Variants in RIMBP2 observed in about 807,000 individuals in gnomAD.
RIMBP2 encodes the protein RIMS binding protein 2.
In RIMBP2, 48 loss-of-function variants were observed where a neutral mutation model predicts 118.6. That is an observed-to-expected ratio of 0.40 (90% CI 0.32 to 0.51). RIMBP2 has a LOEUF of 0.51. RIMBP2 is among the 20% of genes least tolerant of loss of function. The pLI is 0.41. For synonymous variants in RIMBP2, 762 were observed against 742.9 expected (o/e 1.03, Z -0.42); for missense variants, 1,551 against 1,768.3 (o/e 0.88, Z 2.20).
intron 6 of RIMBP2, among the ~76,000 whole-genome samples, chr12:130,459,884 G>A (rs2079823303): frequency 6.6e-6 from 1 of 152,154 alleles, no homozygotes; most frequent in Non-Finnish European, 1.5e-5. Flanking sequence ...GTCCTATGGG[G>A]GCCATAGTGG....
intron 3 of RIMBP2, among the ~76,000 whole-genome samples, chr12:130,508,974 T>A (rs1473175172): frequency 1.3e-5 from 2 of 152,056 alleles, no homozygotes. Flanking sequence ...GCACCCCCCG[T>A]ACCATCCGGC....
chr12:130,616,989 G>T (rs914451579), intron 2 of RIMBP2, among the ~76,000 whole-genome samples: 2 of 152,102 alleles, frequency 1.3e-5, no homozygotes, highest in African/African-American at 4.8e-5. Flanking sequence ...CTGAAGTTGG[G>T]GTGCAGGGGC....
chr12:130,700,228 A>C (rs905878491), intron 1 of RIMBP2, among the ~76,000 whole-genome samples: 10 of 152,106 alleles, frequency 6.6e-5, no homozygotes. Context: ...ACAAAGACCC[A>C]CACAGCCCCA....
intron 3 of RIMBP2, 85 bp from the exon 4 acceptor site, chr12:130,506,855 T>C (rs1162050103): frequency 1.1e-6 from 1 of 932,974 alleles, no homozygotes; most frequent in African/African-American, 1.8e-5. Flanking sequence ...AGGAGCAAAA[T>C]CTTCAATTTC....
chr12:130,575,548 G>A (rs913973213), intron 2 of RIMBP2, among the ~76,000 whole-genome samples: 2 of 152,062 alleles, frequency 1.3e-5, no homozygotes, highest in Admixed American at 6.5e-5. Flanking sequence ...TAATAACTAC[G>A]TGACCCATTC....
At chr12:130,637,010 T>C (rs1222037649) in intron 1 of RIMBP2, among the ~76,000 whole-genome samples, 2 of 152,216 alleles carry the variant, frequency 1.3e-5, no homozygotes, top group Non-Finnish European at 2.9e-5. Flanking sequence ...CATGAAGGTG[T>C]GTACGCTATG....
rs2058119373 is a variant in RIMBP2 at position 130,576,853 on chromosome 12, G to A, written c.-217+51469C>T. 6.6e-6 allele frequency among the ~76,000 whole-genome samples: 1 copy of A among 152,230 alleles called. No individual in the cohort carries two copies. On this transcript the variant is annotated intron_variant, in intron 2 of 22. Transcript: ENST00000690449. The surrounding 1 kb of genome is among the most constrained non-coding windows in gnomAD (Gnocchi z 4.2). Reference sequence around the variant, plus strand: ...TCGCGTGTCCAGGCGCAGTGCCTGGGAGCAAATATCTCCATGTAGAAAGAG... The same window carrying A: ...TCGCGTGTCCAGGCGCAGTGCCTGGAAGCAAATATCTCCATGTAGAAAGAG...
At chr12:130,504,469 G>A (rs1257264805) in intron 4 of RIMBP2, among the ~76,000 whole-genome samples, 1 of 152,150 alleles carries the variant, frequency 6.6e-6, no homozygotes, top group African/African-American at 2.4e-5. Flanking sequence ...CCAACTCAAA[G>A]GGTGTGAGGT....
intron 1 of RIMBP2, among the ~76,000 whole-genome samples, chr12:130,677,138 G>A (rs1279405024): frequency 6.6e-6 from 1 of 152,134 alleles, no homozygotes; most frequent in Non-Finnish European, 1.5e-5. Context: ...CTAGGGTGGG[G>A]GTGCTGTTGG....
chr12:130,501,346 CCTCT>C (rs944661319), intron 4 of RIMBP2, among the ~76,000 whole-genome samples: 6 of 152,244 alleles, frequency 3.9e-5, no homozygotes, highest in African/African-American at 1.4e-4. Flanking sequence ...AGATGCACCT[CCTCT>C]CTCAATTCCA....
At chr12:130,514,637 A>C (rs1566177515) in intron 3 of RIMBP2, among the ~76,000 whole-genome samples, 1 of 152,184 alleles carries the variant, frequency 6.6e-6, no homozygotes, top group Non-Finnish European at 1.5e-5. Flanking sequence ...CCCTGTGCCC[A>C]GCTCCCCACC....
chr12:130,510,979 G>A (rs186629471), intron 3 of RIMBP2, among the ~76,000 whole-genome samples: 2 of 152,112 alleles, frequency 1.3e-5, no homozygotes, highest in Non-Finnish European at 1.5e-5. Flanking sequence ...GCTGAATAAC[G>A]GCCCCACACA....
intron 4 of RIMBP2, among the ~76,000 whole-genome samples, chr12:130,484,075 A>AGTGGAAACTCTGGAGAC (rs1291669182): frequency 6.6e-6 from 1 of 152,060 alleles, no homozygotes; most frequent in Non-Finnish European, 1.5e-5. Context: ...GAGGCGAAAC[A>AGTGGAAACTCTGGAGAC]TCTCTCCAGA....
chr12:130,603,379 G>T (rs540654125), intron 2 of RIMBP2, among the ~76,000 whole-genome samples: 1 of 152,120 alleles, frequency 6.6e-6, no homozygotes, highest in African/African-American at 2.4e-5. Context: ...CAACACATGT[G>T]CTCGGAAGGC....
chr12:130,471,801 C>T (rs1406524772), intron 5 of RIMBP2: 2 of 152,580 alleles, frequency 1.3e-5, no homozygotes, highest in African/African-American at 4.8e-5. Context: ...AGGCCTCTTC[C>T]TCCAGCGTCA....
rs2077132120 is a variant in RIMBP2, at chr12:130,431,266, T to A, written c.2254-2929A>T. Among the ~76,000 whole-genome samples the A allele has an allele frequency of 6.6e-6, 1 of 152,022 alleles. No homozygotes were observed. Among genetic ancestry groups the A allele is most frequent in the African/African-American group, 2.4e-5 (1 of 41,398 alleles). On this transcript the variant is annotated intron_variant, in intron 14 of 22. Coordinates refer to ENST00000690449, the MANE Select transcript of RIMBP2 (RefSeq NM_001393629.1). This position sits in a 1 kb window ranked among gnomAD's most constrained non-coding sequence, Gnocchi z 4.0. ...GTGGAGGCTTCCACCCACTAGAACA[T>A]CGGTGTCTTGGAGCAGATGGGATAG...
At chr12:130,535,804 G>A (rs1409296405) in intron 2 of RIMBP2, among the ~76,000 whole-genome samples, 3 of 139,066 alleles carry the variant, frequency 2.2e-5, no homozygotes, top group Non-Finnish European at 4.6e-5. Context: ...TTTGAGCCAG[G>A]GTCTTGCTCT....
chr12:130,436,819 C>A (rs758787334), intron 13 of RIMBP2, 23 bp downstream of exon 13: 14 of 1,374,092 alleles, frequency 1.0e-5, no homozygotes, highest in Non-Finnish European at 1.3e-5. Flanking sequence ...GAGGAGCCAC[C>A]GAGGCGGGAG....
intron 2 of RIMBP2, among the ~76,000 whole-genome samples, chr12:130,603,958 C>T (rs2060011720): frequency 6.6e-6 from 1 of 152,066 alleles, no homozygotes. Flanking sequence ...AGAACAGTCT[C>T]AGGCAGGCCT....
Sources: gnomAD v4.1 joint callset for allele counts (sites outside exome capture counted in the v4.1 genomes callset) on GRCh38, gnomAD v4.1.1 for gene constraint, Gnocchi (gnomAD v3.1) non-coding constraint, MANE v1.5 for transcripts, NCBI Gene and HGNC (gene_info 2026-07-23, HGNC 2026-07-21) for gene names.